The following LRRC28 variants were observed in gnomAD, a reference collection of about 807,000 sequenced individuals.
LRRC28 encodes leucine-rich repeat-containing protein 28.
LRRC28 carries 39 observed loss-of-function variants against 45.7 expected under a neutral mutation model. The ratio of observed to expected loss-of-function variants is 0.85; its 90% confidence interval spans 0.66 to 1.12. The LOEUF (loss-of-function observed/expected upper bound fraction) is 1.12, where lower values mean the gene tolerates loss of function less well. LRRC28 is among the 50% of genes most tolerant of loss of function. The pLI is 0.00. For missense variants in LRRC28, 435 were observed against 438.5 expected (o/e 0.99, Z 0.07); for synonymous variants, 206 against 178.8 (o/e 1.15, Z -1.22).
intron 6 of LRRC28, among the ~76,000 whole-genome samples, chr15:99,336,977 C>T (rs1264764289): frequency 6.6e-6 from 1 of 152,250 alleles, no homozygotes; most frequent in Admixed American, 6.5e-5. Flanking sequence ...TTGTCTGATA[C>T]TCACATGTGC....
Position 99,375,048 on chromosome 15 carries a change from G to A in LRRC28, c.1032-10982G>A, listed in dbSNP as rs949392160. Among the ~76,000 whole-genome samples, 26 of 152,258 alleles carry A rather than the reference G, an allele frequency of 1.7e-4. 1 individual carries two copies. Among genetic ancestry groups the A allele is most frequent in the African/African-American group, 6.3e-4 (26 of 41,546 alleles). On this transcript the variant is annotated intron_variant, in intron 9 of 9. Transcript: ENST00000301981. The stretch of plus-strand genomic sequence containing the variant: ...TGTTAACTATAATAATACATATAAT[G>A]TGTTAAGTGTAATATAATTTTAATC...
At chr15:99,260,016 T>A in intron 2 of LRRC28, 1 of 596,110 alleles carries the variant, frequency 1.7e-6, no homozygotes, top group South Asian at 1.8e-5. Flanking sequence ...AAAGATGAAT[T>A]GTAAATTATA....
chr15:99,256,765 T>G (rs1275139559), intron 2 of LRRC28, among the ~76,000 whole-genome samples: 2 of 152,260 alleles, frequency 1.3e-5, no homozygotes, highest in African/African-American at 4.8e-5. Context: ...CATTATAATC[T>G]GAATTGTATT....
intron 6 of LRRC28, among the ~76,000 whole-genome samples, chr15:99,337,631 T>G (rs1956368748): frequency 6.6e-6 from 1 of 152,210 alleles, no homozygotes; most frequent in African/African-American, 2.4e-5. Context: ...AACTTTCCTT[T>G]GTGAATTTGT....
chr15:99,371,691 T>C (rs1957488185), intron 9 of LRRC28, among the ~76,000 whole-genome samples: 1 of 152,202 alleles, frequency 6.6e-6, no homozygotes, highest in African/African-American at 2.4e-5. Flanking sequence ...CAGAAGCCTA[T>C]TCGTTGGCAC....
At chr15:99,259,977 A>G in intron 2 of LRRC28, 1 of 640,300 alleles carries the variant, frequency 1.6e-6, no homozygotes, top group South Asian at 1.7e-5. Context: ...GAAGAAAAAC[A>G]AGAAACAGCA....
chr15:99,273,385 C>T (rs1255953509), intron 2 of LRRC28, among the ~76,000 whole-genome samples: 1 of 152,060 alleles, frequency 6.6e-6, no homozygotes, highest in African/African-American at 2.4e-5. Flanking sequence ...TACAGGCACT[C>T]ACCACCACGC....
At chr15:99,312,583 C>T (rs1001828001) in intron 5 of LRRC28, among the ~76,000 whole-genome samples, 1 of 152,096 alleles carries the variant, frequency 6.6e-6, no homozygotes, top group Non-Finnish European at 1.5e-5. Flanking sequence ...AATTAATAAA[C>T]CAGTAACAGA....
intron 5 of LRRC28, chr15:99,320,500 T>C (rs71403445): frequency 1.1e-4 from 17 of 152,186 alleles, no homozygotes; most frequent in Non-Finnish European, 2.5e-4. Flanking sequence ...GCTGGATAGG[T>C]TCCAAAGCAA....
intron 6 of LRRC28, among the ~76,000 whole-genome samples, chr15:99,336,070 A>G (rs954665713): frequency 6.6e-6 from 1 of 152,216 alleles, no homozygotes; most frequent in Admixed American, 6.5e-5. Flanking sequence ...TACAGACAAT[A>G]TATGTAAAAA....
chr15:99,313,200 A>G (rs1955476539), intron 5 of LRRC28, among the ~76,000 whole-genome samples: 1 of 152,176 alleles, frequency 6.6e-6, no homozygotes, highest in South Asian at 2.1e-4. Context: ...GACAATTTAT[A>G]ATGATAAAAG....
In LRRC28 at chr15:99,388,703, G is replaced by T. The variant is rs1454515854; in HGVS notation, c.*2601G>T. The T allele has an allele frequency of 6.6e-6, 1 of 152,196 alleles. No individual in the cohort carries two copies. The highest frequency in any genetic ancestry group is 1.5e-5 in the Non-Finnish European group (1 of 68,030). The allele number at this position is 152,196 out of a possible 1,614,324, so 9.4% of individuals were successfully genotyped here. On this transcript the variant is annotated 3_prime_UTR_variant, in exon 10 of 10. Transcript: ENST00000301981. ...CAAATCTGAAGTTATTATATATGTT[G>T]TTTTCTTGAGCAACAGTTACACTAG...
At position 99,369,490 on chromosome 15, in the gene LRRC28, A is replaced by C. The variant is rs1024673265; in HGVS notation, c.1031+6225A>C. Among the ~76,000 whole-genome samples, 5 of 152,248 alleles carry C rather than the reference A, an allele frequency of 3.3e-5. No individual in the cohort carries two copies. The East Asian group carries it at 9.6e-4, about 29-fold the overall frequency. On this transcript the variant is annotated intron_variant, in intron 9 of 9. Transcript: ENST00000301981. ...ACGTTGAGGTTAGAGTTGAAGTTGCAGTGTTGAGTCTGAATTCTGCGGGGC... is the reference window on the plus strand; with the variant it reads ...ACGTTGAGGTTAGAGTTGAAGTTGCCGTGTTGAGTCTGAATTCTGCGGGGC...
At chr15:99,330,575 A>AT in intron 5 of LRRC28, among the ~76,000 whole-genome samples, 1 of 151,770 alleles carries the variant, frequency 6.6e-6, no homozygotes, top group Non-Finnish European at 1.5e-5. Flanking sequence ...TTTGCATGGT[A>AT]TTTTTCCCAT....
intron 9 of LRRC28, among the ~76,000 whole-genome samples, chr15:99,368,323 A>G (rs1957395003): frequency 6.6e-6 from 1 of 152,230 alleles, no homozygotes; most frequent in African/African-American, 2.4e-5. Flanking sequence ...TAATGTTGGG[A>G]CAGGAATAGG....
chr15:99,384,808 A>C (rs1169004177), intron 9 of LRRC28: 1 of 152,288 alleles, frequency 6.6e-6, no homozygotes, highest in African/African-American at 2.4e-5. Flanking sequence ...TGTACTCGCC[A>C]GCCCAACTTC....
At chr15:99,346,210 T>C (rs1307495448) in intron 6 of LRRC28, among the ~76,000 whole-genome samples, 1 of 152,194 alleles carries the variant, frequency 6.6e-6, no homozygotes, top group Non-Finnish European at 1.5e-5. Flanking sequence ...AGGGTCTTGC[T>C]CTGTCACCCA....
chr15:99,295,305 A>AT (rs1246132824), intron 5 of LRRC28, among the ~76,000 whole-genome samples: 2 of 152,254 alleles, frequency 1.3e-5, no homozygotes, highest in Admixed American at 1.3e-4. Flanking sequence ...CATCAAAACT[A>AT]TAACATTATT....
At chr15:99,336,006 T>A (rs1956309169) in intron 6 of LRRC28, among the ~76,000 whole-genome samples, 2 of 152,178 alleles carry the variant, frequency 1.3e-5, no homozygotes, top group Admixed American at 1.3e-4. Flanking sequence ...CAGAAACAGA[T>A]TAGGTTGTTA....
Sources: gnomAD v4.1 joint callset for allele counts (sites outside exome capture counted in the v4.1 genomes callset) on GRCh38, gnomAD v4.1.1 for gene constraint, MANE v1.5 for transcripts, NCBI Gene and HGNC (gene_info 2026-07-23, HGNC 2026-07-21) for gene names.